The following GRK4 variants were observed in gnomAD, a reference collection of about 807,000 sequenced individuals.
GRK4 encodes G protein-coupled receptor kinase 2-like.
Under a neutral mutation model 77.9 loss-of-function variants are expected in GRK4, and 73 were observed. The ratio of observed to expected loss-of-function variants is 0.94; its 90% CI spans 0.78 to 1.14. The LOEUF (loss-of-function observed/expected upper bound fraction) is 1.14, where lower values mean the gene tolerates loss of function less well. Among genes scored for constraint, GRK4 ranks in the 50% most tolerant of loss-of-function variants. The pLI, the probability that GRK4 is intolerant of heterozygous loss-of-function variation, is 0.00. For synonymous variants in GRK4, 257 were observed against 254.4 expected, an observed-to-expected ratio of 1.01 and a Z score of -0.10; for missense variants, 729 against 700.2, an observed-to-expected ratio of 1.04 and a Z score of -0.46.
intron 4 of GRK4, among the ~76,000 whole-genome samples, chr4:3,001,369 ATTTT>A (rs55673089): frequency 6.5e-5 from 5 of 76,940 alleles, no homozygotes; most frequent in South Asian, 3.2e-4. Flanking sequence ...ATATATATAT[ATTTT>A]TTTTTTTTTT....
intron 8 of GRK4, 24 bp downstream of exon 8, chr4:3,013,852 A>G (rs1191973531): frequency 6.3e-7 from 1 of 1,593,944 alleles, no homozygotes; most frequent in South Asian, 1.2e-5. Context: ...CTTAGTCTTC[A>G]CTGTGCATTG....
chr4:3,037,102 T>A (rs916146016), intron 13 of GRK4, among the ~76,000 whole-genome samples: 25 of 138,474 alleles, frequency 1.8e-4, no homozygotes, highest in African/African-American at 2.0e-4. Context: ...TGTGTGTGTG[T>A]GAGAAAGAGG....
At chr4:2,977,492 A>C (rs1208570563) in intron 1 of GRK4, among the ~76,000 whole-genome samples, 1 of 152,248 alleles carries the variant, frequency 6.6e-6, no homozygotes, top group African/African-American at 2.4e-5. Flanking sequence ...AGTTAAACTG[A>C]TACTTGCTGC....
chr4:3,028,533 C>T (rs1437486287), intron 11 of GRK4, among the ~76,000 whole-genome samples: 1 of 152,214 alleles, frequency 6.6e-6, no homozygotes, highest in African/African-American at 2.4e-5. Context: ...GGGCATGGCT[C>T]TGTGTGTCTG....
chr4:2,972,990 C>T (rs957714572), intron 1 of GRK4, among the ~76,000 whole-genome samples: 2 of 152,210 alleles, frequency 1.3e-5, no homozygotes, highest in Non-Finnish European at 2.9e-5. Context: ...CCAACTCAGC[C>T]TCACAAAGTG....
chr4:2,985,550 T>A (rs1425660321), intron 2 of GRK4, among the ~76,000 whole-genome samples: 1 of 149,878 alleles, frequency 6.7e-6, no homozygotes, highest in African/African-American at 2.5e-5. Flanking sequence ...AGAAAAAAAA[T>A]TAATGAGGGA....
intron 4 of GRK4, 70 bp from the exon 5 acceptor site, chr4:3,004,161 C>A (rs1730632328): frequency 9.2e-7 from 1 of 1,089,570 alleles, no homozygotes; most frequent in Non-Finnish European, 1.4e-6. Flanking sequence ...TTACAATAAG[C>A]ATTAGGTTCT....
Position 3,027,988 on chromosome 4 carries a change from A to C in GRK4, c.1047A>C (p.Thr349=). The part of the protein sequence containing the change: ...EGQRVRGRVG[T]VGYMAPEVVN... The stretch of plus-strand genomic sequence containing the variant: ...AGAGGGTTCGAGGAAGAGTTGGAAC[A>C]GTCGGCTACATGGGTTCGTGAGAGG... The change falls in exon 11 of 16, where the codon ACA becomes ACC. Residue 349 remains threonine, a synonymous_variant. Coordinates refer to ENST00000398052, the MANE Select transcript of GRK4 (RefSeq NM_182982.3). 1 of 1,614,186 alleles carries C rather than the reference A, an allele frequency of 6.2e-7. No individual in the cohort carries two copies. The highest frequency in any genetic ancestry group is 8.5e-7 in the Non-Finnish European group (1 of 1,180,016).
At chr4:2,998,406 ACT>A (rs1021718964) in intron 4 of GRK4, among the ~76,000 whole-genome samples, 2 of 152,002 alleles carry the variant, frequency 1.3e-5, no homozygotes, top group Non-Finnish European at 2.9e-5. Context: ...AAGAAGTAAA[ACT>A]CTATTTGCAA....
intron 3 of GRK4, 77 bp from the exon 4 acceptor site, chr4:2,992,138 C>T: frequency 1.0e-6 from 1 of 977,594 alleles, no homozygotes; most frequent in Non-Finnish European, 1.6e-6. Context: ...CTCAGCGTCC[C>T]AAGTGGCTGG....
At chr4:3,039,465 A>G (rs1188962170) in intron 15 of GRK4, among the ~76,000 whole-genome samples, 1 of 152,098 alleles carries the variant, frequency 6.6e-6, no homozygotes, top group Non-Finnish European at 1.5e-5. Flanking sequence ...TGGGAGGCTG[A>G]GGAGGGTGGA....
intron 1 of GRK4, among the ~76,000 whole-genome samples, chr4:2,981,457 G>T (rs1464464744): frequency 6.6e-6 from 1 of 152,158 alleles, no homozygotes; most frequent in African/African-American, 2.4e-5. Flanking sequence ...CCCATCGTCT[G>T]TGCAGCCCTC....
chr4:3,019,873 C>A (rs1313829083), intron 9 of GRK4, 42 bp downstream of exon 9: 1 of 1,556,346 alleles, frequency 6.4e-7, no homozygotes, highest in Admixed American at 1.8e-5. Flanking sequence ...AGTCTTGGAG[C>A]CGGTTTCTCC....
In GRK4 at chr4:2,988,772, G is replaced by A. The variant is rs2960306; in HGVS notation, c.194G>A (p.Arg65His). The A allele has an allele frequency of 1.3e-5, 21 of 1,612,578 alleles. No individual in the cohort carries two copies. In the East Asian group the frequency reaches 2.5e-4, roughly 19 times the overall value. ...SLCDKQPIGRRLFRQFCDTKP... is the reference protein window; with the variant it reads ...SLCDKQPIGRHLFRQFCDTKP... The stretch of plus-strand genomic sequence containing the variant: ...TGTGACAAGCAACCGATAGGAAGAC[G>A]TCTCTTCAGGCAGTTCTGTGATACC... Residue 65 changes from arginine (R) to histidine (H), a missense_variant, in exon 3 of 16, where the codon CGT (arginine) becomes CAT (histidine). Transcript: ENST00000398052.
chr4:3,012,891 T>C (rs1165903401), intron 7 of GRK4, among the ~76,000 whole-genome samples: 1 of 152,066 alleles, frequency 6.6e-6, no homozygotes, highest in Non-Finnish European at 1.5e-5. Flanking sequence ...CTGTTAATCC[T>C]AGCGCTTTGG....
chr4:3,028,569 C>CCTT (rs1367407911), intron 11 of GRK4, among the ~76,000 whole-genome samples: 4 of 152,190 alleles, frequency 2.6e-5, no homozygotes, highest in Non-Finnish European at 4.4e-5. Flanking sequence ...GGAGGTGGAG[C>CCTT]CTTCCCTAGA....
rs892551386 is a variant in GRK4 at position 3,019,961 on chromosome 4, T to C, written c.932+130T>C. On this transcript the variant is annotated intron_variant, in intron 9 of 15. Transcript: ENST00000398052. ...ATAGCTGGGAGGCCCTCGATGGTGA[T>C]TCTTAGGGTTGGTCACTTACACTAT... The C allele has an allele frequency of 6.0e-5, 50 of 833,930 alleles. 1 individual carries two copies. In the Admixed American group the frequency reaches 1.3e-3, roughly 21 times the overall value. 51.7% of individuals were successfully genotyped at this position (833,930 alleles called of 1,614,324 possible).
At chr4:2,967,668 G>A (rs1718147179) in intron 1 of GRK4, among the ~76,000 whole-genome samples, 1 of 152,128 alleles carries the variant, frequency 6.6e-6, no homozygotes, top group African/African-American at 2.4e-5. Context: ...CAAAGTGCTG[G>A]GATTACAGGC....
Position 3,033,743 on chromosome 4 carries a change from C to T in GRK4, c.1270-1643C>T, listed in dbSNP as rs567993365. 4.6e-5 allele frequency among the ~76,000 whole-genome samples: 7 copies of T among 152,260 alleles called. No homozygotes were observed. The South Asian group carries it at 8.3e-4, about 18-fold the overall frequency. On this transcript the variant is annotated intron_variant, in intron 12 of 15. Transcript: ENST00000398052. ...CTGGGACTACAGGCATCTGCCACCA[C>T]GTCCGGCTAATTTTTGTATTTTTAG...
Sources: allele counts gnomAD v4.1 joint callset (sites outside exome capture counted in the v4.1 genomes callset), GRCh38; gene constraint gnomAD v4.1.1; transcripts MANE v1.5; gene names NCBI Gene and HGNC (gene_info 2026-07-23, HGNC 2026-07-21).